The following HEMK2 variants were observed in gnomAD, a reference collection of about 807,000 sequenced individuals.
HEMK2 encodes the protein methyltransferase HEMK2.
the HEMK2 span, among the ~76,000 whole-genome samples, chr21:28,612,374 A>G: frequency 6.6e-6 from 1 of 152,206 alleles, no homozygotes; most frequent in Non-Finnish European, 1.5e-5. Flanking sequence ...ATTTGACAAA[A>G]TCCAACATCC....
chr21:28,820,829 G>A, the HEMK2 span, among the ~76,000 whole-genome samples: 2 of 152,152 alleles, frequency 1.3e-5, no homozygotes, highest in African/African-American at 2.4e-5. Flanking sequence ...TTATAAAAAT[G>A]TGGGGAAGCT....
At chr21:28,797,266 C>T in the HEMK2 span, among the ~76,000 whole-genome samples, 1 of 151,912 alleles carries the variant, frequency 6.6e-6, no homozygotes, top group Non-Finnish European at 1.5e-5. Flanking sequence ...AATGAGTGAA[C>T]CCAGTGAGGA....
At chr21:28,715,216 C>G in the HEMK2 span, among the ~76,000 whole-genome samples, 3 of 152,166 alleles carry the variant, frequency 2.0e-5, no homozygotes, top group Non-Finnish European at 4.4e-5. Context: ...AATTTCCAAA[C>G]TACTTTCCAC....
chr21:28,766,122 G>A, the HEMK2 span, among the ~76,000 whole-genome samples: 4 of 152,036 alleles, frequency 2.6e-5, no homozygotes, highest in Non-Finnish European at 5.9e-5. Context: ...CATGGACACA[G>A]GGAGGTGAAC....
chr21:28,682,736 G>A, the HEMK2 span, among the ~76,000 whole-genome samples: 1 of 152,066 alleles, frequency 6.6e-6, no homozygotes, highest in Admixed American at 6.6e-5. Flanking sequence ...AAAATGATGA[G>A]TTCATGTCCT....
the HEMK2 span, among the ~76,000 whole-genome samples, chr21:28,631,992 C>A: frequency 6.6e-6 from 1 of 152,180 alleles, no homozygotes; most frequent in Non-Finnish European, 1.5e-5. Flanking sequence ...TAAACACAAT[C>A]AAGTGGAGTG....
chr21:28,668,505 G>A, the HEMK2 span, among the ~76,000 whole-genome samples: 1 of 152,122 alleles, frequency 6.6e-6, no homozygotes, highest in East Asian at 1.9e-4. Context: ...GAGAAAAAAA[G>A]CAACGACATA....
chr21:28,750,317 T>A, the HEMK2 span, among the ~76,000 whole-genome samples: 3 of 152,254 alleles, frequency 2.0e-5, no homozygotes, highest in Middle Eastern at 3.4e-3. Context: ...GTGTAGAACA[T>A]CCCAGTACAG....
the HEMK2 span, among the ~76,000 whole-genome samples, chr21:28,857,557 G>A: frequency 2.0e-5 from 3 of 152,022 alleles, no homozygotes; most frequent in African/African-American, 7.3e-5. Context: ...CATGTAGTTA[G>A]CTGCTGTATC....
At chr21:28,778,017 T>G in the HEMK2 span, among the ~76,000 whole-genome samples, 2 of 152,202 alleles carry the variant, frequency 1.3e-5, no homozygotes, top group African/African-American at 4.8e-5. Flanking sequence ...TTTTTGGTGT[T>G]ACATTTTTAA....
chr21:28,620,923 C>T, the HEMK2 span, among the ~76,000 whole-genome samples: 5 of 151,982 alleles, frequency 3.3e-5, no homozygotes, highest in South Asian at 4.2e-4. Context: ...CTGCCCACCT[C>T]GGCCTCCCAA....
the HEMK2 span, among the ~76,000 whole-genome samples, chr21:28,716,761 T>A: frequency 0.014 from 2,139 of 152,272 alleles, 32 homozygotes; most frequent in Non-Finnish European, 0.017. Flanking sequence ...AGACAACTCT[T>A]ATTGTTTTGT....
At chr21:28,646,595 T>C in the HEMK2 span, among the ~76,000 whole-genome samples, 1 of 152,282 alleles carries the variant, frequency 6.6e-6, no homozygotes, top group Admixed American at 6.5e-5. Flanking sequence ...CAATTGACAA[T>C]GTTCAGTCAG....
At chr21:28,703,169 G>A in the HEMK2 span, among the ~76,000 whole-genome samples, 758 of 152,250 alleles carry the variant, frequency 5.0e-3, 6 homozygotes, top group African/African-American at 0.017. Context: ...GAGGGAAAGA[G>A]ACTAGGAGGA....
At chr21:28,777,104 A>C in the HEMK2 span, among the ~76,000 whole-genome samples, 1 of 152,208 alleles carries the variant, frequency 6.6e-6, no homozygotes, top group South Asian at 2.1e-4. Flanking sequence ...TTCCTTAAGC[A>C]TTAAGTAATC....
chr21:28,677,303 G>A, the HEMK2 span, among the ~76,000 whole-genome samples: 1 of 152,072 alleles, frequency 6.6e-6, no homozygotes, highest in African/African-American at 2.4e-5. Flanking sequence ...CTCCTTGTTA[G>A]CACAGCACTC....
the HEMK2 span, among the ~76,000 whole-genome samples, chr21:28,694,610 G>A: frequency 1.3e-5 from 2 of 151,250 alleles, no homozygotes; most frequent in Non-Finnish European, 2.9e-5. Flanking sequence ...TTTCCCAAAT[G>A]TTCAATTTCC....
At chr21:28,731,868 C>A in the HEMK2 span, among the ~76,000 whole-genome samples, 3 of 152,102 alleles carry the variant, frequency 2.0e-5, no homozygotes, top group African/African-American at 7.2e-5. Flanking sequence ...GGGAACTCTG[C>A]AGAGCACCCT....
the HEMK2 span, among the ~76,000 whole-genome samples, chr21:28,860,744 T>C: frequency 6.6e-6 from 1 of 152,066 alleles, no homozygotes; most frequent in African/African-American, 2.4e-5. Context: ...AGAACAGCCA[T>C]GGGAATGGAT....
Sources: allele counts gnomAD v4.1 joint callset (sites outside exome capture counted in the v4.1 genomes callset), GRCh38; gene constraint gnomAD v4.1.1; transcripts MANE v1.5; gene names NCBI Gene and HGNC (gene_info 2026-07-23, HGNC 2026-07-21).